Variants in BMPR1B observed in about 807,000 individuals in gnomAD.
BMPR1B encodes bone morphogenetic protein receptor type-1B.
Under a neutral mutation model 59.1 loss-of-function variants are expected in BMPR1B, and 12 were observed. The ratio of observed to expected loss-of-function variants is 0.20; its 90% CI spans 0.13 to 0.33. BMPR1B has a LOEUF of 0.33. BMPR1B is among the 10% of genes least tolerant of loss of function. BMPR1B has a pLI of 1.00. For missense variants in BMPR1B, 550 were observed against 610.9 expected, an observed-to-expected ratio of 0.90 and a Z score of 1.05; for synonymous variants, 237 against 207.3, an observed-to-expected ratio of 1.14 and a Z score of -1.23.
intron 1 of BMPR1B, among the ~76,000 whole-genome samples, chr4:94,840,582 C>T (rs1168761832): frequency 2.7e-5 from 4 of 145,780 alleles, no homozygotes; most frequent in Non-Finnish European, 4.6e-5. Context: ...GCATTCTTCA[C>T]GTAGTTCTCG....
At chr4:94,964,257 C>T (rs1730472859) in intron 2 of BMPR1B, among the ~76,000 whole-genome samples, 1 of 151,984 alleles carries the variant, frequency 6.6e-6, no homozygotes, top group South Asian at 2.1e-4. Context: ...AAATATATCA[C>T]CTACAAACAA....
At chr4:95,101,210 G>A (rs1218844645) in intron 3 of BMPR1B, among the ~76,000 whole-genome samples, 3 of 152,132 alleles carry the variant, frequency 2.0e-5, no homozygotes, top group Non-Finnish European at 2.9e-5. Context: ...AGCCATGTGG[G>A]GAAGGTGAAC....
chr4:94,850,743 TCTAGC>T (rs1159016667), intron 1 of BMPR1B, among the ~76,000 whole-genome samples: 1 of 152,178 alleles, frequency 6.6e-6, no homozygotes, highest in East Asian at 1.9e-4. Context: ...CTACCTGTGG[TCTAGC>T]CTCCTATGCC....
At chr4:95,151,658 C>A (rs1197471564) in intron 11 of BMPR1B, among the ~76,000 whole-genome samples, 1 of 152,128 alleles carries the variant, frequency 6.6e-6, no homozygotes, top group Non-Finnish European at 1.5e-5. Context: ...CAAGAAAGAA[C>A]ATAACACAGA....
chr4:94,946,699 T>C (rs886483476), intron 2 of BMPR1B, among the ~76,000 whole-genome samples: 2 of 152,174 alleles, frequency 1.3e-5, no homozygotes, highest in African/African-American at 4.8e-5. Flanking sequence ...AAATATTCTA[T>C]TCCCTTTCAG....
intron 1 of BMPR1B, among the ~76,000 whole-genome samples, chr4:94,817,360 T>C (rs1578677831): frequency 6.6e-6 from 1 of 152,250 alleles, no homozygotes; most frequent in Non-Finnish European, 1.5e-5. Flanking sequence ...ATAAAATCTC[T>C]AGAAAATTTG....
chr4:94,973,489 G>A (rs1395498228), intron 2 of BMPR1B, among the ~76,000 whole-genome samples: 1 of 152,142 alleles, frequency 6.6e-6, no homozygotes, highest in Non-Finnish European at 1.5e-5. Context: ...ATTTTTCTCC[G>A]AAGTTACACT....
At chr4:94,917,003 C>A (rs544613331) in intron 2 of BMPR1B, among the ~76,000 whole-genome samples, 2 of 152,356 alleles carry the variant, frequency 1.3e-5, no homozygotes, top group South Asian at 4.1e-4. Flanking sequence ...GCTTGGGCTG[C>A]CACTTTGGAG....
At chr4:95,008,830 C>T (rs756444929) in intron 3 of BMPR1B, among the ~76,000 whole-genome samples, 15 of 151,872 alleles carry the variant, frequency 9.9e-5, no homozygotes, top group Admixed American at 2.0e-4. Flanking sequence ...AAGAGAAAAT[C>T]CAAATAGTCA....
At chr4:94,798,441 A>G (rs569965475) in intron 1 of BMPR1B, among the ~76,000 whole-genome samples, 1 of 152,212 alleles carries the variant, frequency 6.6e-6, no homozygotes, top group Non-Finnish European at 1.5e-5. Context: ...GTGCTAATGT[A>G]TCCCTTACTC....
At chr4:94,839,904 G>C (rs539330301) in intron 1 of BMPR1B, among the ~76,000 whole-genome samples, 23 of 151,914 alleles carry the variant, frequency 1.5e-4, no homozygotes, top group Non-Finnish European at 2.8e-4. Flanking sequence ...GGTACCGGTT[G>C]TTCCTTTCCA....
chr4:95,137,538 G>A (rs1733890919), intron 10 of BMPR1B, among the ~76,000 whole-genome samples: 3 of 152,134 alleles, frequency 2.0e-5, no homozygotes, highest in Admixed American at 2.0e-4. Context: ...TATTGTGTGG[G>A]AGTCTAAGTC....
intron 6 of BMPR1B, among the ~76,000 whole-genome samples, chr4:95,116,661 G>A (rs549574163): frequency 2.7e-5 from 4 of 150,416 alleles, no homozygotes; most frequent in Non-Finnish European, 5.9e-5. Flanking sequence ...TGTTGCCCAG[G>A]CTGGAGTGCA....
chr4:94,764,835 G>A (rs528147052), intron 1 of BMPR1B, among the ~76,000 whole-genome samples: 1 of 152,242 alleles, frequency 6.6e-6, no homozygotes, highest in East Asian at 1.9e-4. Context: ...CACTGTTTAG[G>A]ACCAGGCACT....
intron 1 of BMPR1B, among the ~76,000 whole-genome samples, chr4:94,874,064 C>T (rs1050681518): frequency 1.3e-5 from 2 of 152,112 alleles, no homozygotes; most frequent in African/African-American, 4.8e-5. Flanking sequence ...AGCATGATGT[C>T]TTCAAGGTTC....
chr4:94,905,667 T>A (rs1728009487), intron 2 of BMPR1B, among the ~76,000 whole-genome samples: 1 of 152,028 alleles, frequency 6.6e-6, no homozygotes, highest in Non-Finnish European at 1.5e-5. Context: ...TCTGCATTCC[T>A]TTGCATAGCC....
intron 3 of BMPR1B, chr4:95,051,531 C>A: frequency 1.6e-6 from 1 of 614,520 alleles, no homozygotes; most frequent in Non-Finnish European, 2.9e-6. Flanking sequence ...TCTGTGGTGA[C>A]AGAACCAGTT....
chr4:94,827,377 TA>T (rs1250533734), intron 1 of BMPR1B, among the ~76,000 whole-genome samples: 1 of 152,166 alleles, frequency 6.6e-6, no homozygotes, highest in African/African-American at 2.4e-5. Context: ...GTTTCTCAAA[TA>T]TGTTTCTCAA....
chr4:94,792,580 C>T (rs758480376), intron 1 of BMPR1B, among the ~76,000 whole-genome samples: 45 of 152,034 alleles, frequency 3.0e-4, no homozygotes, highest in Non-Finnish European at 6.0e-4. Context: ...GGCTTTAATC[C>T]GAAGTCAAGA....
Sources: gnomAD v4.1 joint callset for allele counts (sites outside exome capture counted in the v4.1 genomes callset) on GRCh38, gnomAD v4.1.1 for gene constraint, MANE v1.5 for transcripts, NCBI Gene and HGNC (gene_info 2026-07-23, HGNC 2026-07-21) for gene names.